Variants in C3orf22 observed in about 807,000 individuals in gnomAD.
C3orf22 encodes chromosome 3 open reading frame 22.
In C3orf22, 7 loss-of-function variants were observed where a neutral mutation model predicts 10.8. The ratio of observed to expected loss-of-function variants is 0.65; its 90% CI spans 0.37 to 1.22. C3orf22 has a LOEUF of 1.22. Ranked by LOEUF, C3orf22 falls within the 50% of genes most tolerant of loss-of-function variation. C3orf22 has a pLI of 0.02. For synonymous variants in C3orf22, 79 were observed against 78.9 expected, an observed-to-expected ratio of 1.00 and a Z score of 0.00; for missense variants, 173 against 177.0, an observed-to-expected ratio of 0.98 and a Z score of 0.13.
At chr3:126,538,305 C>A (rs1409434063) in intron 4 of C3orf22, among the ~76,000 whole-genome samples, 1 of 152,246 alleles carries the variant, frequency 6.6e-6, no homozygotes, top group Non-Finnish European at 1.5e-5. Context: ...TATAAGAGGA[C>A]TGCCAGGGCT....
chr3:126,549,786 T>G lies in C3orf22; in HGVS notation c.*82A>C. On this transcript the variant is annotated 3_prime_UTR_variant, in exon 4 of 4. Coordinates refer to ENST00000318225, the MANE Select transcript of C3orf22 (RefSeq NM_152533.3). ...ATGATGGCCATGAAGGCTGATCCCT[T>G]TACTAAAGTCTCTGTGGCTACTGCC... The G allele has an allele frequency of 6.6e-7, 1 of 1,526,538 alleles. No homozygotes were observed. The highest frequency in any genetic ancestry group is 1.3e-5 in the South Asian group (1 of 76,706). The allele number at this position is 1,526,538 out of a possible 1,614,324, so 94.6% of individuals were successfully genotyped here. A position where few individuals can be genotyped will look rare whatever the true frequency, so the allele number is the denominator to read the frequency against.
intron 4 of C3orf22, among the ~76,000 whole-genome samples, chr3:126,531,460 T>C (rs1936658499): frequency 6.6e-6 from 1 of 152,284 alleles, no homozygotes; most frequent in South Asian, 2.1e-4. Flanking sequence ...TTTTCTCACA[T>C]GTACCTGAAT....
intron 1 of C3orf22, among the ~76,000 whole-genome samples, chr3:126,553,896 C>G (rs1034242346): frequency 1.3e-5 from 2 of 152,232 alleles, no homozygotes; most frequent in Admixed American, 6.5e-5. Context: ...GCTTCTCAGG[C>G]CTCCAGCTTG....
At chr3:126,531,037 G>T (rs4377447) in intron 4 of C3orf22, among the ~76,000 whole-genome samples, 4,030 of 152,366 alleles carry the variant, frequency 0.026, 88 homozygotes, top group African/African-American at 0.061. Flanking sequence ...CCAGTGCAAG[G>T]CCCGTCCAGC....
chr3:126,554,731 G>A lies in C3orf22; in HGVS notation c.-40-1301C>T, dbSNP rs111674698. 4.6e-5 allele frequency among the ~76,000 whole-genome samples: 7 copies of A among 152,276 alleles called. No individual in the cohort carries two copies. In the South Asian group the frequency reaches 6.2e-4, roughly 14 times the overall value. On this transcript the variant is annotated intron_variant, in intron 1 of 3. Coordinates refer to ENST00000318225, the MANE Select transcript of C3orf22 (RefSeq NM_152533.3). ...CACCTCAGCCAGCATGCCACCACACGGGACCCTGAAGCATGTTGTGACAAT... is the reference window on the plus strand; with the variant it reads ...CACCTCAGCCAGCATGCCACCACACAGGACCCTGAAGCATGTTGTGACAAT...
At chr3:126,556,868 A>G (rs1056018649) in intron 1 of C3orf22, among the ~76,000 whole-genome samples, 7 of 134,468 alleles carry the variant, frequency 5.2e-5, no homozygotes, top group Admixed American at 5.0e-4. Context: ...AGACTCACAT[A>G]CACACACACA....
downstream of C3orf22, chr3:126,549,563 G>T: frequency 2.0e-6 from 2 of 1,017,920 alleles, no homozygotes; most frequent in Non-Finnish European, 2.8e-6. Context: ...TTGGGATAAA[G>T]TCCTAGAAGT....
chr3:126,556,886 T>A (rs4679262), intron 1 of C3orf22, among the ~76,000 whole-genome samples: 55,991 of 144,016 alleles, frequency 0.39, 10,940 homozygotes, highest in African/African-American at 0.53. Flanking sequence ...ACACACAGAC[T>A]CACACACATG....
intron 1 of C3orf22, among the ~76,000 whole-genome samples, chr3:126,557,154 A>G (rs1937367136): frequency 6.6e-6 from 1 of 152,052 alleles, no homozygotes; most frequent in Admixed American, 6.5e-5. Flanking sequence ...ACCTGACCTC[A>G]TACACACCCC....
downstream of C3orf22, among the ~76,000 whole-genome samples, chr3:126,549,334 G>A (rs905363598): frequency 6.6e-6 from 1 of 151,738 alleles, no homozygotes; most frequent in Non-Finnish European, 1.5e-5. Flanking sequence ...CTTCTGCTGT[G>A]CTTTTTAACA....
At chr3:126,551,802 C>T (rs1403140908) in intron 3 of C3orf22, among the ~76,000 whole-genome samples, 195 bp downstream of exon 3, 1 of 152,270 alleles carries the variant, frequency 6.6e-6, no homozygotes, top group African/African-American at 2.4e-5. Context: ...TCTGTGTGCC[C>T]TTGCCTGGAT....
At chr3:126,544,872 C>G (rs1224437874), downstream of C3orf22, among the ~76,000 whole-genome samples, 1 of 152,246 alleles carries the variant, frequency 6.6e-6, no homozygotes, top group Non-Finnish European at 1.5e-5. Flanking sequence ...CTGTGCCCAC[C>G]ACATGCAGCT....
rs1937411189 is a variant in C3orf22, at chr3:126,558,705, G to A, written c.-119C>T. Reference sequence around the variant, plus strand: ...TCCTGGAACTGCTCCTATCCAGCAAGATGCTGGTGTGAGAGCCGCTGTGGC... The same window carrying A: ...TCCTGGAACTGCTCCTATCCAGCAAAATGCTGGTGTGAGAGCCGCTGTGGC... On this transcript the variant is annotated 5_prime_UTR_variant, in exon 1 of 4. Coordinates refer to ENST00000318225, the MANE Select transcript of C3orf22 (RefSeq NM_152533.3). 6.6e-6 allele frequency: 1 copy of A among 152,398 alleles called. No individual in the cohort carries two copies. Among genetic ancestry groups the A allele is most frequent in the African/African-American group, 2.4e-5 (1 of 41,464 alleles). 9.4% of individuals were successfully genotyped at this position (152,398 alleles called of 1,614,324 possible). A position where few individuals can be genotyped will look rare whatever the true frequency, so the allele number is the denominator to read the frequency against.
downstream of C3orf22, among the ~76,000 whole-genome samples, chr3:126,547,096 A>G (rs559342016): frequency 3.3e-5 from 5 of 152,254 alleles, no homozygotes; most frequent in South Asian, 6.2e-4. Context: ...ACACTCCCCA[A>G]TGCACCTCCA....
At chr3:126,535,573 C>CAGACAGACAGAT (rs1275739470) in intron 4 of C3orf22, among the ~76,000 whole-genome samples, 3 of 56,494 alleles carry the variant, frequency 5.3e-5, no homozygotes, top group Non-Finnish European at 1.2e-4. Context: ...GACAGACAGA[C>CAGACAGACAGAT]AGCATCACTT....
At chr3:126,552,569 G>A (rs181754418) in intron 2 of C3orf22, among the ~76,000 whole-genome samples, 12 of 152,356 alleles carry the variant, frequency 7.9e-5, no homozygotes, top group Admixed American at 7.8e-4. Flanking sequence ...GTGCTCAGCT[G>A]GCCCGGCACA....
At chr3:126,557,799 C>T (rs1576256134) in intron 1 of C3orf22, among the ~76,000 whole-genome samples, 3 of 152,374 alleles carry the variant, frequency 2.0e-5, no homozygotes, top group South Asian at 2.1e-4. Flanking sequence ...TCCCTGGGCC[C>T]TGAAGGGCAG....
At chr3:126,544,316 T>TAAC (rs904174032) in intron 4 of C3orf22, among the ~76,000 whole-genome samples, 21 of 152,188 alleles carry the variant, frequency 1.4e-4, no homozygotes, top group African/African-American at 5.1e-4. Context: ...ATGCAGTCCC[T>TAAC]AACGCTGGGA....
chr3:126,553,228 C>A, intron 2 of C3orf22, 74 bp downstream of exon 2: 2 of 1,041,502 alleles, frequency 1.9e-6, no homozygotes, highest in Non-Finnish European at 3.0e-6. Context: ...CCACAGAATG[C>A]ATTTGAGTTC....
Sources: gnomAD v4.1 joint callset for allele counts (sites outside exome capture counted in the v4.1 genomes callset) on GRCh38, gnomAD v4.1.1 for gene constraint, MANE v1.5 for transcripts, NCBI Gene and HGNC (gene_info 2026-07-23, HGNC 2026-07-21) for gene names.